Variants in MAGI1 observed in about 807,000 individuals in gnomAD.
The protein encoded by MAGI1 is membrane-associated guanylate kinase, WW and PDZ domain-containing protein 1.
In MAGI1, 58 loss-of-function variants were observed where a neutral mutation model predicts 139.9. That is an observed-to-expected ratio of 0.41 (90% CI 0.34 to 0.52). MAGI1 has a LOEUF of 0.52. Ranked by LOEUF, MAGI1 falls within the 20% of genes least tolerant of loss-of-function variation. MAGI1 has a pLI of 0.12. For synonymous variants in MAGI1, 812 were observed against 737.9 expected (o/e 1.10, Z -1.63); for missense variants, 1,874 against 1,901.6 (o/e 0.99, Z 0.27).
intron 12 of MAGI1, among the ~76,000 whole-genome samples, chr3:65,423,836 C>A (rs7428806): frequency 6.6e-6 from 1 of 152,152 alleles, no homozygotes; most frequent in South Asian, 2.1e-4. Flanking sequence ...GCCTGGCACA[C>A]TGTAGAAGCA....
At chr3:65,533,585 T>C (rs1052695886) in intron 2 of MAGI1, among the ~76,000 whole-genome samples, 5 of 152,234 alleles carry the variant, frequency 3.3e-5, no homozygotes, top group Admixed American at 6.5e-5. Flanking sequence ...CGGTGTACCA[T>C]GATCGCCTCA....
At position 65,399,733 on chromosome 3, in the gene MAGI1, C is replaced by T. The variant is rs183547609; in HGVS notation, c.2199+1706G>A. ...TAACTGTCATAGGGAATTCTCTTAA[C>T]TGACTTGGTGAATGCAGGTTCAATA... On this transcript the variant is annotated intron_variant, in intron 13 of 22. Transcript: ENST00000402939. Among the ~76,000 whole-genome samples, 100 of 152,332 alleles carry T rather than the reference C, an allele frequency of 6.6e-4. 1 individual carries two copies. Among genetic ancestry groups the T allele is most frequent in the Non-Finnish European group, 1.0e-3 (71 of 68,046 alleles).
At chr3:65,689,945 C>G (rs2088423725) in intron 1 of MAGI1, among the ~76,000 whole-genome samples, 1 of 152,176 alleles carries the variant, frequency 6.6e-6, no homozygotes. Context: ...GCCGCACCAC[C>G]TCTATTTTCT....
intron 2 of MAGI1, among the ~76,000 whole-genome samples, chr3:65,554,551 C>A (rs1166770097): frequency 6.6e-6 from 1 of 152,170 alleles, no homozygotes; most frequent in Non-Finnish European, 1.5e-5. Context: ...GATTACCCAT[C>A]ATTTACACAT....
chr3:65,573,146 T>C (rs2081031074), intron 2 of MAGI1, among the ~76,000 whole-genome samples: 1 of 152,252 alleles, frequency 6.6e-6, no homozygotes, highest in South Asian at 2.1e-4. Context: ...TATAGATACA[T>C]ATATAAGGGG....
At chr3:65,414,996 T>A in intron 12 of MAGI1, among the ~76,000 whole-genome samples, 1 of 121,418 alleles carries the variant, frequency 8.2e-6, no homozygotes, top group Non-Finnish European at 1.6e-5. Context: ...GCCATTGCAC[T>A]CCAGCCTGGG....
chr3:65,429,666 C>T lies in MAGI1; in HGVS notation c.2021G>A (p.Ser674Asn). The T allele has an allele frequency of 6.2e-7, 1 of 1,613,964 alleles. No homozygotes were observed. The highest frequency in any genetic ancestry group is 8.5e-7 in the Non-Finnish European group (1 of 1,179,974). ...TTCTTTCAGGCCTCGGCACCTTGGG[C>T]TGTCAACAATCTGTTTCACTCTTTG... is the stretch of plus-strand genomic sequence containing the variant. ...GGQRVKQIVD[S>N]PRCRGLKEGD... The change falls in exon 12 of 23, where the codon AGC becomes AAC. Residue 674 changes from serine (S) to asparagine (N), a missense_variant. Transcript: ENST00000402939.
At chr3:65,405,705 C>T (rs917334319) in intron 12 of MAGI1, among the ~76,000 whole-genome samples, 5 of 152,116 alleles carry the variant, frequency 3.3e-5, no homozygotes, top group African/African-American at 1.2e-4. Flanking sequence ...AGCAATTCTC[C>T]TGCCTCAGCC....
At chr3:65,502,411 C>A (rs1005296878) in intron 2 of MAGI1, among the ~76,000 whole-genome samples, 1 of 146,860 alleles carries the variant, frequency 6.8e-6, no homozygotes, top group Non-Finnish European at 1.5e-5. Context: ...GATTTGTCTT[C>A]GTTAGTTTGG....
intron 5 of MAGI1, among the ~76,000 whole-genome samples, chr3:65,467,562 A>C (rs1364054184): frequency 1.3e-5 from 2 of 152,232 alleles, no homozygotes; most frequent in Non-Finnish European, 2.9e-5. Context: ...ACCTTAGGTA[A>C]ATGAAACATT....
chr3:65,536,717 A>C (rs4688240), intron 2 of MAGI1, among the ~76,000 whole-genome samples: 1 of 152,102 alleles, frequency 6.6e-6, no homozygotes, highest in Non-Finnish European at 1.5e-5. Flanking sequence ...ACCAGATTCA[A>C]TCTTGGGACA....
chr3:65,852,143 T>A (rs2059226016), intron 1 of MAGI1, among the ~76,000 whole-genome samples: 1 of 152,186 alleles, frequency 6.6e-6, no homozygotes, highest in African/African-American at 2.4e-5. Flanking sequence ...CCAAGCAAGT[T>A]CATGCATCAT....
At chr3:65,641,779 T>C (rs77593994) in intron 1 of MAGI1, among the ~76,000 whole-genome samples, 9,778 of 152,230 alleles carry the variant, frequency 0.064, 1,048 homozygotes, top group African/African-American at 0.22. Context: ...GGGTAGAAAT[T>C]TCATCTAAAA....
At chr3:65,472,138 A>G (rs892778162) in intron 4 of MAGI1, among the ~76,000 whole-genome samples, 8 of 152,196 alleles carry the variant, frequency 5.3e-5, no homozygotes, top group Admixed American at 2.0e-4. Context: ...ACTATAAGTA[A>G]GGGAACAGAA....
intron 1 of MAGI1, among the ~76,000 whole-genome samples, chr3:65,830,538 G>A (rs2042466798): frequency 6.6e-6 from 1 of 152,132 alleles, no homozygotes; most frequent in African/African-American, 2.4e-5. Context: ...ACTTCTCTCA[G>A]TGGACACTAT....
chr3:66,004,372 G>A (rs992898262), intron 1 of MAGI1, among the ~76,000 whole-genome samples: 1 of 152,190 alleles, frequency 6.6e-6, no homozygotes, highest in Non-Finnish European at 1.5e-5. Flanking sequence ...GACACTGGCT[G>A]TCGGCCGAAA....
intron 1 of MAGI1, among the ~76,000 whole-genome samples, chr3:65,901,532 G>A (rs1316799334): frequency 6.6e-6 from 1 of 152,216 alleles, no homozygotes; most frequent in Non-Finnish European, 1.5e-5. Context: ...GAAGTTATGT[G>A]ATTTCAATTA....
chr3:65,752,191 T>G (rs1202003947), intron 1 of MAGI1, among the ~76,000 whole-genome samples: 2 of 152,174 alleles, frequency 1.3e-5, no homozygotes, highest in African/African-American at 4.8e-5. Context: ...TCAAGCAACG[T>G]GCCCTCCTTG....
At chr3:65,499,067 A>AC (rs1394660109) in intron 2 of MAGI1, 9 of 981,640 alleles carry the variant, frequency 9.2e-6, no homozygotes, top group African/African-American at 3.5e-5. Context: ...TCTTAAAAAA[A>AC]AAAAAACAAA....
Sources: allele counts gnomAD v4.1 joint callset (sites outside exome capture counted in the v4.1 genomes callset), GRCh38; gene constraint gnomAD v4.1.1; transcripts MANE v1.5; gene names NCBI Gene and HGNC (gene_info 2026-07-23, HGNC 2026-07-21).